Variants in RSBN1 observed in about 807,000 individuals in gnomAD.
RSBN1 encodes the protein lysine-specific demethylase 9.
Under a neutral mutation model 74.8 loss-of-function variants are expected in RSBN1, and 23 were observed. The observed-to-expected ratio is 0.31, with a 90% CI of 0.22 to 0.44. RSBN1 has a LOEUF of 0.44. Among genes scored for constraint, RSBN1 ranks in the 20% least tolerant of loss-of-function variants. The pLI is 1.00. For synonymous variants in RSBN1, 407 were observed against 379.6 expected, an observed-to-expected ratio of 1.07 and a Z score of -0.84; for missense variants, 808 against 1,020.9, an observed-to-expected ratio of 0.79 and a Z score of 2.84.
At chr1:113,810,384 A>AACACACACAC (rs113663525) in intron 1 of RSBN1, among the ~76,000 whole-genome samples, 31 of 146,730 alleles carry the variant, frequency 2.1e-4, no homozygotes, top group African/African-American at 7.3e-4. Context: ...GTACAGTTAA[A>AACACACACAC]ACACACACAC....
chr1:113,798,416 TATC>T (rs1418148678), intron 1 of RSBN1, among the ~76,000 whole-genome samples: 2 of 152,190 alleles, frequency 1.3e-5, no homozygotes. Context: ...TTTGTTCAGT[TATC>T]ATCATAAAAT....
At chr1:113,793,959 G>C (rs918111098) in intron 2 of RSBN1, among the ~76,000 whole-genome samples, 1 of 152,118 alleles carries the variant, frequency 6.6e-6, no homozygotes, top group East Asian at 1.9e-4. Context: ...GAGACACCAT[G>C]CCCAGCCTCC....
intron 1 of RSBN1, among the ~76,000 whole-genome samples, chr1:113,808,610 A>G (rs1660765361): frequency 6.6e-6 from 1 of 152,246 alleles, no homozygotes; most frequent in African/African-American, 2.4e-5. Context: ...GAATGATTCA[A>G]TAGGTGAACC....
intron 4 of RSBN1, among the ~76,000 whole-genome samples, chr1:113,771,490 A>G (rs1410396489): frequency 1.3e-5 from 2 of 151,986 alleles, no homozygotes; most frequent in Non-Finnish European, 2.9e-5. Flanking sequence ...CAGAGTTCCA[A>G]AAGATATCCA....
chr1:113,797,756 C>T lies in RSBN1; in HGVS notation c.984G>A (p.Arg328=). Residue 328 remains arginine (R), a synonymous_variant, in exon 2 of 7, where the codon CGG becomes CGA. Coordinates refer to ENST00000261441, the MANE Select transcript of RSBN1 (RefSeq NM_018364.5). ...CRLNLGMQEY[R]VPQGVQTPFM... ...AAGGTGTTTGTACTCCCTGGGGTAC[C>T]CGATATTCTTGCATACCCAAATTTA... 3 of 1,613,990 alleles carry T rather than the reference C, an allele frequency of 1.9e-6. No individual in the cohort carries two copies. The highest frequency in any genetic ancestry group is 1.7e-6 in the Non-Finnish European group (2 of 1,179,972).
At chr1:113,781,055 C>T (rs893180228) in intron 2 of RSBN1, among the ~76,000 whole-genome samples, 14 of 152,080 alleles carry the variant, frequency 9.2e-5, no homozygotes, top group African/African-American at 3.4e-4. Context: ...ATCCTCTATC[C>T]CAGTCCTTCC....
In RSBN1 at chr1:113,803,084, T is replaced by C. The variant is rs149692849; in HGVS notation, c.704-5048A>G. Among the ~76,000 whole-genome samples, 20 of 152,346 alleles carry C rather than the reference T, an allele frequency of 1.3e-4. No homozygotes were observed. The East Asian group carries it at 3.9e-3, about 29-fold the overall frequency. On this transcript the variant is annotated intron_variant, in intron 1 of 6. Coordinates refer to ENST00000261441, the MANE Select transcript of RSBN1 (RefSeq NM_018364.5). The stretch of plus-strand genomic sequence containing the variant: ...GTTTTGCCTTTTCCAGAGTGTCATA[T>C]AATTGGAATCATAAAATGTGCAGCC...
chr1:113,790,790 G>A (rs560319095), intron 2 of RSBN1, among the ~76,000 whole-genome samples: 3 of 152,184 alleles, frequency 2.0e-5, no homozygotes, highest in Non-Finnish European at 4.4e-5. Flanking sequence ...ATGGTATATG[G>A]TTTAAAACAG....
intron 1 of RSBN1, among the ~76,000 whole-genome samples, chr1:113,803,244 C>T (rs1318234897): frequency 2.0e-5 from 3 of 152,152 alleles, no homozygotes; most frequent in Admixed American, 6.5e-5. Flanking sequence ...TATCCATTTA[C>T]CTACTGAAGG....
intron 1 of RSBN1, among the ~76,000 whole-genome samples, chr1:113,807,546 G>A (rs1660729550): frequency 1.3e-5 from 2 of 151,782 alleles, no homozygotes; most frequent in African/African-American, 4.8e-5. Flanking sequence ...GATCACCTGA[G>A]GTCAGGAGTT....
chr1:113,787,679 G>A (rs575092369), intron 2 of RSBN1, among the ~76,000 whole-genome samples: 9 of 152,200 alleles, frequency 5.9e-5, no homozygotes, highest in South Asian at 2.1e-4. Context: ...CAATGCAATC[G>A]CCTACCTCCT....
chr1:113,787,588 G>C (rs1053902179), intron 2 of RSBN1, among the ~76,000 whole-genome samples: 2 of 152,122 alleles, frequency 1.3e-5, no homozygotes, highest in African/African-American at 4.8e-5. Context: ...AATGACTACA[G>C]ACACAAGGAT....
At chr1:113,806,153 T>C (rs968647362) in intron 1 of RSBN1, among the ~76,000 whole-genome samples, 5 of 151,944 alleles carry the variant, frequency 3.3e-5, no homozygotes, top group African/African-American at 1.2e-4. Flanking sequence ...CTGGCCAACA[T>C]GGTGAAACCC....
intron 1 of RSBN1, among the ~76,000 whole-genome samples, chr1:113,804,653 C>T (rs986343285): frequency 2.6e-5 from 4 of 152,080 alleles, no homozygotes; most frequent in African/African-American, 7.2e-5. Flanking sequence ...CAAAAGTTTT[C>T]GTGCCCTTAA....
intron 2 of RSBN1, among the ~76,000 whole-genome samples, chr1:113,785,477 T>C (rs183512675): frequency 5.9e-5 from 9 of 152,330 alleles, no homozygotes; most frequent in Admixed American, 2.0e-4. Context: ...CAGCGTTACA[T>C]ATGCAGTCTG....
chr1:113,782,443 G>C (rs1318447205), intron 2 of RSBN1, among the ~76,000 whole-genome samples: 1 of 152,222 alleles, frequency 6.6e-6, no homozygotes, highest in Non-Finnish European at 1.5e-5. Flanking sequence ...AAGGAAAACA[G>C]ATATTTGACA....
intron 2 of RSBN1, among the ~76,000 whole-genome samples, chr1:113,784,359 G>A (rs979073104): frequency 2.6e-5 from 4 of 152,080 alleles, no homozygotes; most frequent in African/African-American, 7.2e-5. Context: ...TACACACCTA[G>A]GCTATATGAC....
intron 4 of RSBN1, among the ~76,000 whole-genome samples, chr1:113,772,545 T>A (rs895669239): frequency 1.3e-5 from 2 of 152,182 alleles, no homozygotes; most frequent in Admixed American, 1.3e-4. Context: ...TTTAAAAAAC[T>A]CTGTACACAT....
Position 113,765,992 on chromosome 1 carries a change from G to T in RSBN1, c.2397C>A (p.Thr799=). 1 of 1,611,728 alleles carries T rather than the reference G, an allele frequency of 6.2e-7. No homozygotes were observed. The highest frequency in any genetic ancestry group is 1.7e-5 in the Admixed American group (1 of 59,950). ...DQQHNLQEHS[T]TSV Reference sequence around the variant, plus strand: ...GAATATGTACATATCACACAGAAGTGGTTGAATGTTCTTGCAGATTGTGTT... The same window carrying T: ...GAATATGTACATATCACACAGAAGTTGTTGAATGTTCTTGCAGATTGTGTT... Residue 799 remains threonine (T), a synonymous_variant, in exon 7 of 7, where the codon ACC becomes ACA. Transcript: ENST00000261441.
Sources: allele counts gnomAD v4.1 joint callset (sites outside exome capture counted in the v4.1 genomes callset), GRCh38; gene constraint gnomAD v4.1.1; transcripts MANE v1.5; gene names NCBI Gene and HGNC (gene_info 2026-07-23, HGNC 2026-07-21).